ANKHD1: variants seen among roughly 807,000 people sequenced by gnomAD.
ANKHD1 encodes the protein ankyrin repeat and KH domain containing 1, also known as ankyrin repeat and KH domain-containing protein 1.
ANKHD1 carries 31 observed loss-of-function variants against 230.5 expected under a neutral mutation model. The ratio of observed to expected loss-of-function variants is 0.13; its 90% CI spans 0.10 to 0.18. The LOEUF (loss-of-function observed/expected upper bound fraction) is 0.18. Ranked by LOEUF, ANKHD1 falls within the 10% of genes least tolerant of loss-of-function variation. ANKHD1 has a pLI of 1.00. For synonymous variants in ANKHD1, 1,074 were observed against 1,117.6 expected (o/e 0.96, Z 0.78); for missense variants, 2,256 against 3,071.3 (o/e 0.73, Z 6.27).
intron 2 of ANKHD1, among the ~76,000 whole-genome samples, 158 bp downstream of exon 2, chr5:140,436,415 G>T (rs111612821): frequency 0.02 from 3,034 of 152,110 alleles, 105 homozygotes; most frequent in African/African-American, 0.069. Context: ...TTCACATTTT[G>T]TATTTCTGGG....
At position 140,526,003 on chromosome 5, in the gene ANKHD1, A is replaced by G. The variant is rs781304367; in HGVS notation, c.4500A>G (p.Gln1500=). 6.4e-7 allele frequency: 1 copy of G among 1,570,558 alleles called. No individual in the cohort carries two copies. Among genetic ancestry groups the G allele is most frequent in the Non-Finnish European group, 8.6e-7 (1 of 1,165,264 alleles). The change falls in exon 26 of 34, where the codon CAA becomes CAG. Residue 1500 remains glutamine, a synonymous_variant. Coordinates refer to ENST00000360839, the MANE Select transcript of ANKHD1 (RefSeq NM_017747.3). ...DEEENDEDVE[Q]EVPIEPPSAT... ...TCTTTTTAACAATTTCAGTGGAGCA[A>G]GAAGTTCCCATAGAACCTCCTAGTG...
intron 15 of ANKHD1, among the ~76,000 whole-genome samples, chr5:140,502,083 A>T (rs1406129856): frequency 6.6e-6 from 1 of 151,504 alleles, no homozygotes; most frequent in Non-Finnish European, 1.5e-5. Flanking sequence ...AATTTGAATT[A>T]TATATAGATG....
rs982137058 is a variant in ANKHD1, at chr5:140,533,646, C to T, written c.6851-1716C>T. Among the ~76,000 whole-genome samples the T allele has an allele frequency of 5.7e-4, 86 of 151,652 alleles. 1 individual carries two copies. The highest frequency in any genetic ancestry group is 2.0e-3 in the African/African-American group (83 of 41,340). ...TAAATTAGCTCAGTGTGGTGGTACACGCTTGTAGTCCCAGCTACTCAGCGG... is the reference window on the plus strand; with the variant it reads ...TAAATTAGCTCAGTGTGGTGGTACATGCTTGTAGTCCCAGCTACTCAGCGG... On this transcript the variant is annotated intron_variant, in intron 29 of 33. Transcript: ENST00000360839.
chr5:140,520,804 T>G (rs982727023), intron 24 of ANKHD1, among the ~76,000 whole-genome samples: 5 of 132,654 alleles, frequency 3.8e-5, no homozygotes, highest in Non-Finnish European at 8.1e-5. Flanking sequence ...GGGGGAGGGA[T>G]AGCATTGGGA....
At chr5:140,407,417 T>G (rs1770558869) in intron 1 of ANKHD1, among the ~76,000 whole-genome samples, 1 of 152,032 alleles carries the variant, frequency 6.6e-6, no homozygotes, top group Admixed American at 6.6e-5. Context: ...TATTTATTTA[T>G]TTTTAGAGAT....
intron 7 of ANKHD1, among the ~76,000 whole-genome samples, chr5:140,453,245 C>T (rs979739383): frequency 6.6e-6 from 1 of 152,146 alleles, no homozygotes; most frequent in African/African-American, 2.4e-5. Flanking sequence ...GATTGGTGTA[C>T]CTGAAAGTGA....
chr5:140,525,479 C>A (rs1226750140), intron 25 of ANKHD1, among the ~76,000 whole-genome samples: 1 of 152,112 alleles, frequency 6.6e-6, no homozygotes, highest in Non-Finnish European at 1.5e-5. Flanking sequence ...CCCAGGAGAT[C>A]TTGAACTCTT....
chr5:140,436,027 A>T (rs1169866983), intron 1 of ANKHD1, 77 bp from the exon 2 acceptor site: 39 of 1,343,182 alleles, frequency 2.9e-5, no homozygotes, highest in Non-Finnish European at 3.4e-5. Context: ...TTAAGAAGTC[A>T]TATTACCTTA....
chr5:140,436,348 T>A, intron 2 of ANKHD1, 91 bp downstream of exon 2: 1 of 1,268,396 alleles, frequency 7.9e-7, no homozygotes, highest in Non-Finnish European at 1.0e-6. Flanking sequence ...TCTATAACAT[T>A]ATACAAAATT....
chr5:140,506,003 T>C lies in ANKHD1; in HGVS notation c.3408+134T>C, dbSNP rs1299563961. On this transcript the variant is annotated intron_variant, in intron 18 of 33. Transcript: ENST00000360839. This position sits in a 1 kb window ranked among gnomAD's most constrained non-coding sequence, Gnocchi z 4.7. ...TTGTTTTTCTGAGGCAGGGTCTTGC[T>C]CTGTCTCCCAGGCTAGAGTACAGTG... The C allele has an allele frequency of 9.3e-6, 13 of 1,391,520 alleles. No homozygotes were observed. The highest frequency in any genetic ancestry group is 4.4e-5 in the African/African-American group (3 of 67,742). 86.2% of individuals were successfully genotyped at this position (1,391,520 alleles called of 1,614,324 possible). A position where few individuals can be genotyped will look rare whatever the true frequency, so the allele number is the denominator to read the frequency against.
At chr5:140,518,303 A>G (rs1753143129) in intron 24 of ANKHD1, among the ~76,000 whole-genome samples, 1 of 152,142 alleles carries the variant, frequency 6.6e-6, no homozygotes, top group Admixed American at 6.5e-5. Context: ...TCAATAGCTT[A>G]CCAACCAAAA....
At chr5:140,440,892 C>A in intron 4 of ANKHD1, 103 bp from the exon 5 acceptor site, 3 of 1,309,678 alleles carry the variant, frequency 2.3e-6, no homozygotes, top group Non-Finnish European at 2.9e-6. Context: ...TTTTTTCCCA[C>A]CCCTATTCTA....
At chr5:140,486,851 C>T (rs1751525252) in intron 13 of ANKHD1, 107 bp from the exon 14 acceptor site, 4 of 1,119,156 alleles carry the variant, frequency 3.6e-6, no homozygotes, top group African/African-American at 3.2e-5. Flanking sequence ...AACAAAAGTG[C>T]ATTTGGTGGT....
In ANKHD1 at chr5:140,401,910, TC is replaced by T; in HGVS notation, c.-57del. The T allele has an allele frequency of 6.6e-7, 1 of 1,515,062 alleles. No individual in the cohort carries two copies. Among genetic ancestry groups the T allele is most frequent in the East Asian group, 2.5e-5 (1 of 39,422 alleles). The allele number at this position is 1,515,062 out of a possible 1,614,324, so 93.9% of individuals were successfully genotyped here. A position where few individuals can be genotyped will look rare whatever the true frequency, so the allele number is the denominator to read the frequency against. On this transcript the variant is annotated 5_prime_UTR_variant, in exon 1 of 34. Coordinates refer to ENST00000360839, the MANE Select transcript of ANKHD1 (RefSeq NM_017747.3). ...CTTGCTGCTCTTCTCGTTCCCGAGA[TC>T]AGCGGCGGCGGTGACCGCGAGTGGG... is the stretch of plus-strand genomic sequence containing the variant.
intron 20 of ANKHD1, among the ~76,000 whole-genome samples, chr5:140,509,264 C>T (rs1399943161): frequency 2.6e-5 from 4 of 152,094 alleles, no homozygotes; most frequent in South Asian, 2.1e-4. Flanking sequence ...TGGAGACTAA[C>T]GTACCAAAGG....
intron 15 of ANKHD1, among the ~76,000 whole-genome samples, chr5:140,500,200 T>A (rs1338670416): frequency 6.6e-6 from 1 of 152,184 alleles, no homozygotes; most frequent in Admixed American, 6.5e-5. Flanking sequence ...GAAAGAAGAT[T>A]GGTTAAAAAT....
At position 140,478,251 on chromosome 5, in the gene ANKHD1, T is replaced by A. The variant is rs77413892; in HGVS notation, c.1783-4329T>A. Reference sequence around the variant, plus strand: ...AAAAGTTAACACAATAGAAAATAATTTTAAAAAGAGATACAAAAAATATAG... The same window carrying A: ...AAAAGTTAACACAATAGAAAATAATATTAAAAAGAGATACAAAAAATATAG... On this transcript the variant is annotated intron_variant, in intron 10 of 33. Transcript: ENST00000360839. Among the ~76,000 whole-genome samples the A allele has an allele frequency of 1.7e-3, 251 of 151,708 alleles. 2 individuals carry two copies. Among genetic ancestry groups the A allele is most frequent in the African/African-American group, 5.8e-3 (240 of 41,402 alleles).
chr5:140,405,345 G>A (rs1002478921), intron 1 of ANKHD1, among the ~76,000 whole-genome samples: 1 of 152,082 alleles, frequency 6.6e-6, no homozygotes, highest in African/African-American at 2.4e-5. Flanking sequence ...TTTGGGTCCT[G>A]TTTCTCCCAT....
chr5:140,455,130 C>G (rs959170050), intron 7 of ANKHD1, among the ~76,000 whole-genome samples: 1 of 152,128 alleles, frequency 6.6e-6, no homozygotes, highest in Non-Finnish European at 1.5e-5. Flanking sequence ...TTGATAAATT[C>G]CTGGACACAT....
Sources: allele counts gnomAD v4.1 joint callset (sites outside exome capture counted in the v4.1 genomes callset), GRCh38; gene constraint gnomAD v4.1.1; non-coding constraint Gnocchi (gnomAD v3.1); transcripts MANE v1.5; gene names NCBI Gene and HGNC (gene_info 2026-07-23, HGNC 2026-07-21).